GARRE1: variants seen among roughly 807,000 people sequenced by gnomAD.
GARRE1 encodes granule associated Rac and RHOG effector protein 1.
Under a neutral mutation model 103.2 loss-of-function variants are expected in GARRE1, and 49 were observed. The observed-to-expected ratio is 0.47, with a 90% CI of 0.38 to 0.60. GARRE1 has a LOEUF of 0.60. Ranked by LOEUF, GARRE1 falls within the 20% of genes least tolerant of loss-of-function variation. The pLI, the probability that GARRE1 is intolerant of heterozygous loss-of-function variation, is 0.00. For synonymous variants in GARRE1, 505 were observed against 532.8 expected (o/e 0.95, Z 0.72); for missense variants, 1,199 against 1,370.5 (o/e 0.87, Z 1.98).
chr19:34,350,278 G>A (rs995881212), intron 12 of GARRE1, among the ~76,000 whole-genome samples: 2 of 152,160 alleles, frequency 1.3e-5, no homozygotes, highest in Admixed American at 1.3e-4. Context: ...AGGATGACAC[G>A]CAAGTTTTCT....
At chr19:34,337,035 C>T in intron 8 of GARRE1, among the ~76,000 whole-genome samples, 1 of 141,764 alleles carries the variant, frequency 7.1e-6, no homozygotes, top group African/African-American at 2.6e-5. Context: ...GGTAATTTTG[C>T]AAAATTTTAG....
intron 1 of GARRE1, among the ~76,000 whole-genome samples, chr19:34,286,772 A>T (rs2073889582): frequency 6.6e-6 from 1 of 152,122 alleles, no homozygotes; most frequent in Admixed American, 6.6e-5. Context: ...AAGTGCTGGG[A>T]TTACAGGCGT....
At chr19:34,254,886 G>C (rs1040325825) in intron 1 of GARRE1, among the ~76,000 whole-genome samples, 2 of 150,730 alleles carry the variant, frequency 1.3e-5, no homozygotes, top group Non-Finnish European at 3.0e-5. Context: ...GCGCGTCGGA[G>C]ACTCGGCGGC....
chr19:34,271,203 A>G (rs1028845492), intron 1 of GARRE1, among the ~76,000 whole-genome samples: 27 of 149,134 alleles, frequency 1.8e-4, no homozygotes, highest in Admixed American at 1.1e-3. Flanking sequence ...GCTGTGCTCT[A>G]TCAGCTTCAG....
intron 2 of GARRE1, 43 bp from the exon 3 acceptor site, chr19:34,319,864 G>A (rs1174213824): frequency 6.4e-7 from 1 of 1,568,698 alleles, no homozygotes. Flanking sequence ...GAATCCAACA[G>A]CAACCCACAA....
At chr19:34,282,437 A>C (rs1599754287) in intron 1 of GARRE1, among the ~76,000 whole-genome samples, 1 of 152,346 alleles carries the variant, frequency 6.6e-6, no homozygotes, top group East Asian at 1.9e-4. Flanking sequence ...GGCGTGAGCC[A>C]CCGTGCCCAG....
intron 2 of GARRE1, among the ~76,000 whole-genome samples, chr19:34,308,991 G>A (rs747862172): frequency 6.6e-6 from 1 of 152,024 alleles, no homozygotes; most frequent in Non-Finnish European, 1.5e-5. Flanking sequence ...TCATGGAAAT[G>A]GAGACAGGTC....
At chr19:34,328,290 C>G (rs1441845053) in intron 6 of GARRE1, 139 bp downstream of exon 6, 2 of 909,262 alleles carry the variant, frequency 2.2e-6, no homozygotes, top group Non-Finnish European at 3.2e-6. Context: ...AATCCTAGCA[C>G]TTTGGGAGGC....
chr19:34,328,270 T>A, intron 6 of GARRE1, 119 bp downstream of exon 6: 3 of 1,125,394 alleles, frequency 2.7e-6, no homozygotes, highest in Non-Finnish European at 3.7e-6. Flanking sequence ...GCGTGGTGGC[T>A]CACGCCTGTA....
At chr19:34,336,435 T>A (rs1013118438) in intron 8 of GARRE1, among the ~76,000 whole-genome samples, 3 of 152,108 alleles carry the variant, frequency 2.0e-5, no homozygotes, top group African/African-American at 7.2e-5. Flanking sequence ...TTTTTTTCTT[T>A]TGTAGTCAGT....
At chr19:34,328,573 A>G (rs543444241) in intron 6 of GARRE1, among the ~76,000 whole-genome samples, 1 of 151,712 alleles carries the variant, frequency 6.6e-6, no homozygotes, top group Admixed American at 6.6e-5. Flanking sequence ...GGAGACTTTA[A>G]TCAGACATTT....
intron 3 of GARRE1, 142 bp downstream of exon 3, chr19:34,320,258 A>G: frequency 1.3e-6 from 1 of 761,644 alleles, no homozygotes; most frequent in Non-Finnish European, 2.2e-6. Flanking sequence ...TCATTCATTT[A>G]ACAGTGAACA....
intron 1 of GARRE1, among the ~76,000 whole-genome samples, chr19:34,280,126 A>G (rs1055088388): frequency 7.9e-5 from 12 of 152,146 alleles, no homozygotes; most frequent in African/African-American, 2.9e-4. Flanking sequence ...AGGAGCCAGG[A>G]CCGAGAGAGA....
At chr19:34,292,204 T>C (rs1409473481) in intron 1 of GARRE1, among the ~76,000 whole-genome samples, 1 of 152,128 alleles carries the variant, frequency 6.6e-6, no homozygotes, top group Non-Finnish European at 1.5e-5. Flanking sequence ...TTCTAGACAT[T>C]TCATATCAGT....
At chr19:34,284,442 A>G (rs992687524) in intron 1 of GARRE1, among the ~76,000 whole-genome samples, 11 of 152,168 alleles carry the variant, frequency 7.2e-5, no homozygotes, top group African/African-American at 2.2e-4. Context: ...AGTTTCAAGC[A>G]TGTCCTTTAT....
chr19:34,349,177 G>C, intron 12 of GARRE1, 24 bp downstream of exon 12: 2 of 1,609,620 alleles, frequency 1.2e-6, no homozygotes, highest in Non-Finnish European at 8.5e-7. Context: ...TCTAAACCAA[G>C]GTGGGGAGAG....
At chr19:34,351,880 G>C (rs2074239113) in intron 13 of GARRE1, among the ~76,000 whole-genome samples, 1 of 151,182 alleles carries the variant, frequency 6.6e-6, no homozygotes. Context: ...GCAGAAGGAT[G>C]GCTTGAGGCC....
At chr19:34,312,626 C>T (rs1046153984) in intron 2 of GARRE1, among the ~76,000 whole-genome samples, 5 of 152,152 alleles carry the variant, frequency 3.3e-5, no homozygotes, top group Non-Finnish European at 5.9e-5. Flanking sequence ...ATCAGAATTT[C>T]CTTCTTTTTA....
chr19:34,327,828 T>C lies in GARRE1; in HGVS notation c.904T>C (p.Phe302Leu). The change falls in exon 5 of 14, where the codon TTC becomes CTC. Residue 302 changes from phenylalanine (F) to leucine (L), a missense_variant. Coordinates refer to ENST00000299505, the MANE Select transcript of GARRE1 (RefSeq NM_014686.5). ...CTGTGAATATGCAATGAAAGCCGGC[T>C]TCCACCTGAATCCAAAGGCGATTGA... ...GHCEYAMKAG[F>L]HLNPKAIEAS... 6.2e-7 allele frequency: 1 copy of C among 1,614,174 alleles called. No homozygotes were observed. The highest frequency in any genetic ancestry group is 8.5e-7 in the Non-Finnish European group (1 of 1,179,996).
Sources: gnomAD v4.1 joint callset for allele counts (sites outside exome capture counted in the v4.1 genomes callset) on GRCh38, gnomAD v4.1.1 for gene constraint, MANE v1.5 for transcripts, NCBI Gene and HGNC (gene_info 2026-07-23, HGNC 2026-07-21) for gene names.